Variants in ADAMTS12 observed in about 807,000 individuals in gnomAD.
ADAMTS12 encodes ADAM metallopeptidase with thrombospondin type 1 motif 12, also known as A disintegrin and metalloproteinase with thrombospondin motifs 12.
In ADAMTS12, 118 loss-of-function variants were observed where a neutral mutation model predicts 167.8. The ratio of observed to expected loss-of-function variants is 0.70; its 90% confidence interval spans 0.61 to 0.82. The LOEUF (loss-of-function observed/expected upper bound fraction) is 0.82, where lower values mean the gene tolerates loss of function less well. Among genes scored for constraint, ADAMTS12 ranks in the 40% least tolerant of loss-of-function variants. The probability of loss-of-function intolerance (pLI) is 0.00; values close to 1 mark genes in which losing one functional copy is unlikely to be tolerated. For missense variants in ADAMTS12, 1,916 were observed against 1,998.8 expected, an observed-to-expected ratio of 0.96 and a Z score of 0.79; for synonymous variants, 704 against 716.9, an observed-to-expected ratio of 0.98 and a Z score of 0.29.
chr5:33,599,691 T>TA (rs1738089926), intron 16 of ADAMTS12, among the ~76,000 whole-genome samples: 1 of 152,232 alleles, frequency 6.6e-6, no homozygotes, highest in Non-Finnish European at 1.5e-5. Context: ...CTGTTCCAGC[T>TA]GTTCCCTGCT....
intron 19 of ADAMTS12, among the ~76,000 whole-genome samples, chr5:33,565,325 TA>T (rs1309482911): frequency 2.0e-5 from 3 of 152,200 alleles, no homozygotes; most frequent in Non-Finnish European, 4.4e-5. Context: ...CTAATTTTTA[TA>T]TTTTTTTTGT....
chr5:33,645,709 A>G (rs1038214415), intron 9 of ADAMTS12, among the ~76,000 whole-genome samples: 4 of 152,154 alleles, frequency 2.6e-5, no homozygotes, highest in Non-Finnish European at 4.4e-5. Context: ...TACTATCTCA[A>G]AATAAAAAGT....
chr5:33,849,623 CATAGCAA>C (rs1749135357), intron 2 of ADAMTS12, among the ~76,000 whole-genome samples: 7 of 97,060 alleles, frequency 7.2e-5, no homozygotes, highest in Admixed American at 1.2e-4. Flanking sequence ...ATATGTATTG[CATAGCAA>C]TATATATGTA....
chr5:33,602,351 A>G (rs910567451), intron 16 of ADAMTS12, among the ~76,000 whole-genome samples: 2 of 152,236 alleles, frequency 1.3e-5, no homozygotes, highest in Non-Finnish European at 2.9e-5. Flanking sequence ...GTATATTACT[A>G]GTAGATTATT....
intron 3 of ADAMTS12, among the ~76,000 whole-genome samples, chr5:33,703,366 A>G (rs1355343115): frequency 6.6e-6 from 1 of 152,202 alleles, no homozygotes; most frequent in Non-Finnish European, 1.5e-5. Context: ...AAACTCATCC[A>G]TAACATCAAA....
chr5:33,701,553 C>T (rs943020194), intron 3 of ADAMTS12, among the ~76,000 whole-genome samples: 1 of 152,198 alleles, frequency 6.6e-6, no homozygotes, highest in African/African-American at 2.4e-5. Flanking sequence ...CGAAGTTACT[C>T]AAATCCTAAC....
intron 22 of ADAMTS12, among the ~76,000 whole-genome samples, chr5:33,540,320 G>A (rs1018403411): frequency 7.2e-5 from 11 of 152,252 alleles, no homozygotes; most frequent in South Asian, 4.1e-4. Flanking sequence ...CGAACTGGGC[G>A]GAGCCCACCA....
intron 9 of ADAMTS12, among the ~76,000 whole-genome samples, chr5:33,648,440 A>G (rs1403831632): frequency 6.6e-6 from 1 of 152,232 alleles, no homozygotes; most frequent in African/African-American, 2.4e-5. Context: ...GAATTGGTGA[A>G]TAAATCCTAC....
At chr5:33,876,586 G>A (rs1750235175) in intron 2 of ADAMTS12, among the ~76,000 whole-genome samples, 1 of 152,144 alleles carries the variant, frequency 6.6e-6, no homozygotes, top group African/African-American at 2.4e-5. Context: ...AGCAAGAAAG[G>A]AAGGAAGAGA....
Position 33,866,705 on chromosome 5 carries a change from A to G in ADAMTS12, c.489+14414T>C, listed in dbSNP as rs147613188. ...TATTTGCTAACTATGCATCTAAAAAAGACCAATGTCCAGAATCTACAAGGA... is the reference window on the plus strand; with the variant it reads ...TATTTGCTAACTATGCATCTAAAAAGGACCAATGTCCAGAATCTACAAGGA... On this transcript the variant is annotated intron_variant, in intron 2 of 23. Coordinates refer to ENST00000504830, the MANE Select transcript of ADAMTS12 (RefSeq NM_030955.4). Among the ~76,000 whole-genome samples, 413 of 152,232 alleles carry G rather than the reference A, an allele frequency of 2.7e-3. 8 individuals are homozygous for G. The East Asian group carries it at 0.06, about 22-fold the overall frequency.
At position 33,543,958 on chromosome 5, in the gene ADAMTS12, G is replaced by A. The variant is rs866317237; in HGVS notation, c.4446+2101C>T. Among the ~76,000 whole-genome samples the A allele has an allele frequency of 2.0e-5, 3 of 152,150 alleles. No homozygotes were observed. In the South Asian group the frequency reaches 6.2e-4, roughly 32 times the overall value. ...TCCCTTTGAAAACTGGCACAAGACA[G>A]GGATGCCCTCTCTCACCACTCCTAT... On this transcript the variant is annotated intron_variant, in intron 22 of 23. Transcript: ENST00000504830.
At chr5:33,812,987 T>G (rs1408793645) in intron 2 of ADAMTS12, among the ~76,000 whole-genome samples, 1 of 152,196 alleles carries the variant, frequency 6.6e-6, no homozygotes, top group African/African-American at 2.4e-5. Context: ...TGAAGGAGAA[T>G]CAAAGCAAAA....
chr5:33,658,450 T>G, intron 6 of ADAMTS12, 117 bp from the exon 7 acceptor site: 1 of 1,247,830 alleles, frequency 8.0e-7, no homozygotes. Flanking sequence ...TGCTTGGCAT[T>G]TTTTAAAAAG....
intron 18 of ADAMTS12, among the ~76,000 whole-genome samples, chr5:33,584,764 C>A (rs1409458286): frequency 1.3e-5 from 2 of 152,110 alleles, no homozygotes; most frequent in Non-Finnish European, 2.9e-5. Flanking sequence ...GGCTGGAAAA[C>A]CTAGAAAAAT....
chr5:33,773,188 T>C (rs1362562335), intron 2 of ADAMTS12, among the ~76,000 whole-genome samples: 1 of 152,210 alleles, frequency 6.6e-6, no homozygotes, highest in Non-Finnish European at 1.5e-5. Flanking sequence ...TTCGGTGACT[T>C]GTTTCTTTCT....
At position 33,630,774 on chromosome 5, in the gene ADAMTS12, C is replaced by T. The variant is rs747421324; in HGVS notation, c.2022+6G>A. Reference sequence around the variant, plus strand: ...AAGTTGTAGATTAAGGAAACATACCCAATACCTTACATATGCCATTAATAC... The same window carrying T: ...AAGTTGTAGATTAAGGAAACATACCTAATACCTTACATATGCCATTAATAC... On this transcript the variant is annotated splice_donor_region_variant and intron_variant, in intron 13 of 23. Coordinates refer to ENST00000504830, the MANE Select transcript of ADAMTS12 (RefSeq NM_030955.4). 6.2e-7 allele frequency: 1 copy of T among 1,610,952 alleles called. No individual in the cohort carries two copies. Among genetic ancestry groups the T allele is most frequent in the South Asian group, 1.1e-5 (1 of 90,862 alleles).
chr5:33,869,003 T>C (rs1749933057), intron 2 of ADAMTS12, among the ~76,000 whole-genome samples: 1 of 152,110 alleles, frequency 6.6e-6, no homozygotes, highest in African/African-American at 2.4e-5. Flanking sequence ...CTGTAGAAAT[T>C]TGTGTAAGCA....
chr5:33,811,173 T>A (rs549338683), intron 2 of ADAMTS12, among the ~76,000 whole-genome samples: 1 of 152,276 alleles, frequency 6.6e-6, no homozygotes, highest in East Asian at 1.9e-4. Flanking sequence ...CATAGAGTAA[T>A]ATCAAATTCA....
chr5:33,671,084 T>C (rs1741675366), intron 5 of ADAMTS12, among the ~76,000 whole-genome samples: 1 of 152,218 alleles, frequency 6.6e-6, no homozygotes, highest in Admixed American at 6.5e-5. Flanking sequence ...ATTCCATTTA[T>C]ATGACATTCT....
Sources: allele counts gnomAD v4.1 joint callset (sites outside exome capture counted in the v4.1 genomes callset), GRCh38; gene constraint gnomAD v4.1.1; transcripts MANE v1.5; gene names NCBI Gene and HGNC (gene_info 2026-07-23, HGNC 2026-07-21).